Variants in SRPK2 observed in about 807,000 individuals in gnomAD.
The protein encoded by SRPK2 is SFRS protein kinase 2.
Under a neutral mutation model 90.8 loss-of-function variants are expected in SRPK2, and 21 were observed. The ratio of observed to expected loss-of-function variants is 0.23; its 90% CI spans 0.16 to 0.33. The LOEUF is 0.33. SRPK2 is among the 10% of genes least tolerant of loss of function. The pLI, the probability that SRPK2 is intolerant of heterozygous loss-of-function variation, is 1.00. For missense variants in SRPK2, 620 were observed against 869.0 expected (o/e 0.71, Z 3.60); for synonymous variants, 288 against 311.1 (o/e 0.93, Z 0.78).
At chr7:105,164,729 C>G (rs1423979805) in intron 6 of SRPK2, among the ~76,000 whole-genome samples, 1 of 152,206 alleles carries the variant, frequency 6.6e-6, no homozygotes, top group East Asian at 1.9e-4. Context: ...GAAGGAAATG[C>G]TTCCCTAGTT....
At chr7:105,383,343 A>C (rs916558625) in intron 2 of SRPK2, among the ~76,000 whole-genome samples, 1 of 151,096 alleles carries the variant, frequency 6.6e-6, no homozygotes, top group Non-Finnish European at 1.5e-5. Flanking sequence ...CTGGGATTAT[A>C]GGCATGAGCC....
chr7:105,244,795 T>A, intron 2 of SRPK2: 21 of 968,292 alleles, frequency 2.2e-5, no homozygotes, highest in Non-Finnish European at 3.0e-5. Flanking sequence ...CGGAGGCATG[T>A]GGCTTCGCCC....
At chr7:105,371,383 T>C (rs1209227578) in intron 2 of SRPK2, among the ~76,000 whole-genome samples, 2 of 152,032 alleles carry the variant, frequency 1.3e-5, no homozygotes, top group Non-Finnish European at 2.9e-5. Context: ...TTTTTAAAAC[T>C]GTCCCACTGT....
chr7:105,138,866 G>A (rs1324389171), intron 11 of SRPK2, among the ~76,000 whole-genome samples: 1 of 152,176 alleles, frequency 6.6e-6, no homozygotes, highest in African/African-American at 2.4e-5. Context: ...TACAATGGAG[G>A]ACGTTCTAAT....
At chr7:105,185,124 AAT>A (rs1793408468) in intron 3 of SRPK2, among the ~76,000 whole-genome samples, 2 of 152,126 alleles carry the variant, frequency 1.3e-5, no homozygotes, top group Non-Finnish European at 2.9e-5. Flanking sequence ...ATAAATGTAT[AAT>A]ATATTGAATT....
chr7:105,335,112 A>G (rs915234641), intron 2 of SRPK2, among the ~76,000 whole-genome samples: 4 of 152,224 alleles, frequency 2.6e-5, no homozygotes, highest in African/African-American at 4.8e-5. Flanking sequence ...CAGAGGCTAC[A>G]GTGAGCCGAG....
rs375485368 is a variant in SRPK2 at position 105,117,955 on chromosome 7, G to A, written c.1983C>T (p.Gly661=). The part of the protein sequence containing the change: ...SLFDVLVEKY[G]WPHEDAAQFT... ...ACTGTGCAGCATCTTCATGGGGCCA[G>A]CCATACTTTTCCACAAGTACATCAA... The change falls in exon 16 of 16, where the codon GGC becomes GGT. Residue 661 remains glycine (G), a synonymous_variant. Coordinates refer to ENST00000393651, the MANE Select transcript of SRPK2 (RefSeq NM_182692.3). 4 of 1,614,212 alleles carry A rather than the reference G, an allele frequency of 2.5e-6. No individual in the cohort carries two copies. The East Asian group carries it at 8.9e-5, about 36-fold the overall frequency.
intron 2 of SRPK2, among the ~76,000 whole-genome samples, chr7:105,331,992 C>A (rs1814475743): frequency 6.6e-6 from 1 of 151,884 alleles, no homozygotes; most frequent in Non-Finnish European, 1.5e-5. Flanking sequence ...AGCCCCATTT[C>A]TAAAAGAAAA....
chr7:105,248,065 C>T, intron 2 of SRPK2, among the ~76,000 whole-genome samples: 1 of 152,104 alleles, frequency 6.6e-6, no homozygotes, highest in South Asian at 2.1e-4. Flanking sequence ...GCTGGTCAGG[C>T]TGGTCTCGAA....
intron 3 of SRPK2, among the ~76,000 whole-genome samples, chr7:105,182,504 T>C (rs1311828129): frequency 6.9e-6 from 1 of 144,622 alleles, no homozygotes; most frequent in African/African-American, 2.6e-5. Flanking sequence ...CAGACTGAAG[T>C]GCAGCGGCAC....
intron 2 of SRPK2, among the ~76,000 whole-genome samples, chr7:105,261,614 C>A (rs1358136363): frequency 6.6e-6 from 1 of 152,116 alleles, no homozygotes; most frequent in Non-Finnish European, 1.5e-5. Flanking sequence ...ATTTATTAAT[C>A]TATGCCAATA....
At chr7:105,273,782 C>G (rs1292536698) in intron 2 of SRPK2, among the ~76,000 whole-genome samples, 1 of 152,206 alleles carries the variant, frequency 6.6e-6, no homozygotes, top group African/African-American at 2.4e-5. Context: ...ATTCAGACAG[C>G]CTGGCATATC....
intron 15 of SRPK2, among the ~76,000 whole-genome samples, chr7:105,124,073 T>C (rs925833654): frequency 4.6e-5 from 7 of 152,182 alleles, no homozygotes; most frequent in South Asian, 2.1e-4. Flanking sequence ...GGGAGCAAGG[T>C]TGCTGACAGG....
At chr7:105,177,266 T>C (rs1792092335) in intron 3 of SRPK2, among the ~76,000 whole-genome samples, 1 of 152,166 alleles carries the variant, frequency 6.6e-6, no homozygotes, top group Non-Finnish European at 1.5e-5. Flanking sequence ...CTATTATGTA[T>C]GCACTAACCA....
chr7:105,218,108 G>A (rs1426757609), intron 2 of SRPK2, among the ~76,000 whole-genome samples: 1 of 152,196 alleles, frequency 6.6e-6, no homozygotes, highest in Non-Finnish European at 1.5e-5. Flanking sequence ...AGGTATGGCA[G>A]CAAGAAAGGG....
At chr7:105,364,407 T>TTTTTTTTTTG (rs1365072847) in intron 2 of SRPK2, among the ~76,000 whole-genome samples, 2 of 148,450 alleles carry the variant, frequency 1.3e-5, no homozygotes, top group African/African-American at 4.9e-5. Flanking sequence ...TGTGTAACGT[T>TTTTTTTTTTG]TTTTTTTTTT....
At chr7:105,374,639 C>T (rs115281674) in intron 2 of SRPK2, among the ~76,000 whole-genome samples, 2,499 of 152,190 alleles carry the variant, frequency 0.016, 68 homozygotes, top group African/African-American at 0.055. Context: ...GAGTCTCATT[C>T]GGTCGCCCAG....
At chr7:105,312,880 T>C (rs1357509540) in intron 2 of SRPK2, among the ~76,000 whole-genome samples, 1 of 152,152 alleles carries the variant, frequency 6.6e-6, no homozygotes, top group East Asian at 1.9e-4. Flanking sequence ...CAAGTGATCC[T>C]CCCACCTTGG....
chr7:105,378,574 C>A (rs1028398854), intron 2 of SRPK2, among the ~76,000 whole-genome samples: 2 of 151,974 alleles, frequency 1.3e-5, no homozygotes, highest in Non-Finnish European at 2.9e-5. Flanking sequence ...ACCATCCTGG[C>A]CAACATGGTG....
Sources: allele counts gnomAD v4.1 joint callset (sites outside exome capture counted in the v4.1 genomes callset), GRCh38; gene constraint gnomAD v4.1.1; transcripts MANE v1.5; gene names NCBI Gene and HGNC (gene_info 2026-07-23, HGNC 2026-07-21).